The following ACAD8 variants were observed in gnomAD, a reference collection of about 807,000 sequenced individuals.
ACAD8 encodes isobutyryl-CoA dehydrogenase, mitochondrial.
Under a neutral mutation model 53.1 loss-of-function variants are expected in ACAD8, and 47 were observed. The observed-to-expected ratio is 0.89, with a 90% CI of 0.70 to 1.13. ACAD8 has a LOEUF of 1.13. ACAD8 is among the 50% of genes most tolerant of loss of function. The probability of loss-of-function intolerance (pLI) is 0.00; values close to 1 mark genes in which losing one functional copy is unlikely to be tolerated. For missense variants in ACAD8, 494 were observed against 535.0 expected, an observed-to-expected ratio of 0.92 and a Z score of 0.76; for synonymous variants, 198 against 201.3, an observed-to-expected ratio of 0.98 and a Z score of 0.14.
At chr11:134,260,362 C>G (rs1354970100) in intron 6 of ACAD8, 2 of 235,498 alleles carry the variant, frequency 8.5e-6, no homozygotes, top group South Asian at 1.8e-4. Flanking sequence ...GCAGTCATCT[C>G]TCTCTAGTTT....
chr11:134,256,720 A>G (rs1939549914), intron 2 of ACAD8, 72 bp downstream of exon 2: 1 of 1,305,590 alleles, frequency 7.7e-7, no homozygotes, highest in Non-Finnish European at 1.1e-6. Flanking sequence ...TTGTCTCCTG[A>G]TAATGTAATT....
Position 134,261,626 on chromosome 11 carries a change from A to T in ACAD8, c.940-112A>T. 3 of 1,575,158 alleles carry T rather than the reference A, an allele frequency of 1.9e-6. No individual in the cohort carries two copies. The highest frequency in any genetic ancestry group is 2.6e-6 in the Non-Finnish European group (3 of 1,166,306). On this transcript the variant is annotated intron_variant, in intron 8 of 10. Coordinates refer to ENST00000281182, the MANE Select transcript of ACAD8 (RefSeq NM_014384.3). This position sits in a 1 kb window ranked among gnomAD's most constrained non-coding sequence, Gnocchi z 4.2. ...CTATAGAAAAAGCAAGAGACTTTGA[A>T]GCTTTGGATCACTTAGAAAAGGCGC...
rs777983464 is a variant in ACAD8, at chr11:134,259,852, C to G, written c.705+107C>G. 6 of 1,572,030 alleles carry G rather than the reference C, an allele frequency of 3.8e-6. No individual in the cohort carries two copies. In the South Asian group the frequency reaches 5.7e-5, roughly 15 times the overall value. The stretch of plus-strand genomic sequence containing the variant: ...ACAGGTTTGCATACTTGCTAACCTA[C>G]CTTTGAAGCAGTTGCTTCTATTAGG... On this transcript the variant is annotated intron_variant, in intron 6 of 10. Coordinates refer to ENST00000281182, the MANE Select transcript of ACAD8 (RefSeq NM_014384.3).
chr11:134,256,778 C>A, intron 2 of ACAD8, 130 bp downstream of exon 2: 1 of 834,226 alleles, frequency 1.2e-6, no homozygotes, highest in Non-Finnish European at 1.9e-6. Flanking sequence ...GTGAGAATAC[C>A]GGTAGTGGAT....
intron 2 of ACAD8, 68 bp from the exon 3 acceptor site, chr11:134,257,020 C>G: frequency 6.5e-7 from 1 of 1,546,186 alleles, no homozygotes; most frequent in Middle Eastern, 1.7e-4. Context: ...TAATCCCTCA[C>G]TGTGCCCTCT....
chr11:134,263,614 C>T (rs967844220), intron 10 of ACAD8: 3 of 985,334 alleles, frequency 3.0e-6, no homozygotes, highest in Admixed American at 6.1e-5. Flanking sequence ...TGGGCTCAGT[C>T]GCCAGTGTTC....
chr11:134,258,128 A>ATG (rs1939652894), intron 3 of ACAD8: 1 of 332,128 alleles, frequency 3.0e-6, no homozygotes, highest in Non-Finnish European at 5.8e-6. Context: ...GGGATTACAG[A>ATG]TGTGAGCCAC....
Position 134,258,397 on chromosome 11 carries a change from C to T in ACAD8, c.381-118C>T, listed in dbSNP as rs74753754. ...TTCCCAATTGTGACTCTCCCCTTCC[C>T]ACTCTTCTGCTTTACTCCACTGCCC... On this transcript the variant is annotated intron_variant, in intron 3 of 10. Coordinates refer to ENST00000281182, the MANE Select transcript of ACAD8 (RefSeq NM_014384.3). The T allele has an allele frequency of 1.0e-4, 74 of 731,288 alleles. No individual in the cohort carries two copies. In the African/African-American group the frequency reaches 1.2e-3, roughly 12 times the overall value. 45.3% of individuals were successfully genotyped at this position (731,288 alleles called of 1,614,324 possible).
At chr11:134,259,583 T>G (rs1298638169) in intron 5 of ACAD8, 25 bp from the exon 6 acceptor site, 1 of 1,613,794 alleles carries the variant, frequency 6.2e-7, no homozygotes, top group Non-Finnish European at 8.5e-7. Context: ...TCCCTGGTCC[T>G]TTTGCACCCC....
intron 5 of ACAD8, chr11:134,259,289 C>G (rs188455703): frequency 4.1e-5 from 29 of 705,314 alleles, no homozygotes; most frequent in Admixed American, 1.0e-4. Context: ...TGACTTTTGT[C>G]TATCCTTTTT....
At chr11:134,262,733 T>C (rs772810348) in intron 10 of ACAD8, 111 bp downstream of exon 10, 101 of 1,516,850 alleles carry the variant, frequency 6.7e-5, no homozygotes, top group Non-Finnish European at 8.7e-5. Context: ...TCAAGCCCTG[T>C]CTGTCTCGAG....
At position 134,261,707 on chromosome 11, in the gene ACAD8, C is replaced by T. The variant is rs754542012; in HGVS notation, c.940-31C>T. On this transcript the variant is annotated intron_variant, in intron 8 of 10. Coordinates refer to ENST00000281182, the MANE Select transcript of ACAD8 (RefSeq NM_014384.3). This position sits in a 1 kb window ranked among gnomAD's most constrained non-coding sequence, Gnocchi z 4.2. ...CAGGTGCTGGTCTAAGCCCCTCAGT[C>T]TTGTCTGGTTCTCTGCTCCCTGTGC... is the stretch of plus-strand genomic sequence containing the variant. 1 of 1,611,992 alleles carries T rather than the reference C, an allele frequency of 6.2e-7. No homozygotes were observed. Among genetic ancestry groups the T allele is most frequent in the South Asian group, 1.1e-5 (1 of 91,016 alleles).
intron 10 of ACAD8, chr11:134,263,398 G>A: frequency 1.0e-5 from 10 of 986,750 alleles, no homozygotes; most frequent in Non-Finnish European, 1.2e-5. Context: ...GCAGATTGCG[G>A]GCCTCAACCC....
intron 6 of ACAD8, chr11:134,260,294 CCG>C (rs1939806304): frequency 1.4e-6 from 1 of 726,310 alleles, no homozygotes; most frequent in Admixed American, 5.1e-5. Flanking sequence ...GATCATGTAA[CCG>C]TAATTGGTAA....
intron 10 of ACAD8, among the ~76,000 whole-genome samples, 169 bp from the exon 11 acceptor site, chr11:134,264,739 T>G (rs1940089513): frequency 6.6e-6 from 1 of 152,218 alleles, no homozygotes; most frequent in African/African-American, 2.4e-5. Context: ...CATTTTTCAG[T>G]ACTTTGTAGA....
Position 134,261,964 on chromosome 11 carries a change from G to C in ACAD8, c.1092+74G>C. The C allele has an allele frequency of 6.4e-7, 1 of 1,570,270 alleles. No homozygotes were observed. On this transcript the variant is annotated intron_variant, in intron 9 of 10. Coordinates refer to ENST00000281182, the MANE Select transcript of ACAD8 (RefSeq NM_014384.3). This position sits in a 1 kb window ranked among gnomAD's most constrained non-coding sequence, Gnocchi z 4.2. ...GGCCCAGGGGTCTTGAGAGACATGA[G>C]TCAGATTTGGAACCCAGCCCTCCTG...
Position 134,265,033 on chromosome 11 carries a change from TATTCCAAAGG to T in ACAD8, c.*75_*84del. ...TTGAGTGGTGCCATGTGGGCCGCTCTATTCCAAAGGAATCATGGATTAGACCCAAGGGCTG... is the reference window on the plus strand; with the variant it reads ...TTGAGTGGTGCCATGTGGGCCGCTCTAATCATGGATTAGACCCAAGGGCTG... On this transcript the variant is annotated 3_prime_UTR_variant, in exon 11 of 11. Transcript: ENST00000281182. 1 of 1,504,396 alleles carries T rather than the reference TATTCCAAAGG, an allele frequency of 6.6e-7. No individual in the cohort carries two copies. The highest frequency in any genetic ancestry group is 9.2e-7 in the Non-Finnish European group (1 of 1,081,116). The allele number at this position is 1,504,396 out of a possible 1,614,324, so 93.2% of individuals were successfully genotyped here. A position where few individuals can be genotyped will look rare whatever the true frequency, so the allele number is the denominator to read the frequency against.
Position 134,261,043 on chromosome 11 carries a change from G to A in ACAD8, c.706-1G>A, listed in dbSNP as rs754886392. ...ACCACGCAGTCCCTGATTTTTGCCA[G>A]GTGGGGTGGAACTCCCAGCCAACAC... is the stretch of plus-strand genomic sequence containing the variant. On this transcript the variant is annotated splice_acceptor_variant, in intron 6 of 10. Transcript: ENST00000281182. LOFTEE classifies it high-confidence loss of function. This position sits in a 1 kb window ranked among gnomAD's most constrained non-coding sequence, Gnocchi z 4.2. 1.5e-5 allele frequency: 24 copies of A among 1,612,134 alleles called. No homozygotes were observed. The highest frequency in any genetic ancestry group is 5.0e-5 in the Admixed American group (3 of 59,764).
Position 134,261,415 on chromosome 11 carries a change from G to A in ACAD8, c.939+43G>A. ...TCCACATGGCTTTGCACTATTTGCA[G>A]CCCGGGACCTGCTCTAGGGCCCACA... On this transcript the variant is annotated intron_variant, in intron 8 of 10. Transcript: ENST00000281182. The surrounding 1 kb of genome is among the most constrained non-coding windows in gnomAD (Gnocchi z 4.2). The A allele has an allele frequency of 1.2e-6, 2 of 1,601,792 alleles. No homozygotes were observed. Among genetic ancestry groups the A allele is most frequent in the South Asian group, 2.2e-5 (2 of 90,806 alleles).
Sources: gnomAD v4.1 joint callset for allele counts (sites outside exome capture counted in the v4.1 genomes callset) on GRCh38, gnomAD v4.1.1 for gene constraint, Gnocchi (gnomAD v3.1) non-coding constraint, MANE v1.5 for transcripts, NCBI Gene and HGNC (gene_info 2026-07-23, HGNC 2026-07-21) for gene names.